Variants in SPSB3 observed in about 807,000 individuals in gnomAD.
SPSB3 encodes splA/ryanodine receptor domain and SOCS box containing 3, also known as SPRY domain-containing SOCS box protein 3.
A neutral mutation model predicts 29.5 loss-of-function variants in SPSB3; 18 were observed. That is an observed-to-expected ratio of 0.61 (90% CI 0.42 to 0.91). The LOEUF is 0.91. SPSB3 is among the 40% of genes least tolerant of loss of function. The pLI, the probability that SPSB3 is intolerant of heterozygous loss-of-function variation, is 0.00. For missense variants in SPSB3, 540 were observed against 507.5 expected, an observed-to-expected ratio of 1.06 and a Z score of -0.61; for synonymous variants, 299 against 214.1, an observed-to-expected ratio of 1.40 and a Z score of -3.46.
intron 1 of SPSB3, chr16:1,781,712 C>T: frequency 1.8e-6 from 1 of 570,228 alleles, no homozygotes; most frequent in Non-Finnish European, 3.1e-6. Context: ...ACCCAGACAC[C>T]CATGACTCCG....
chr16:1,781,173 G>A (rs889449965), intron 2 of SPSB3, 185 bp downstream of exon 2: 1 of 1,533,860 alleles, frequency 6.5e-7, no homozygotes, highest in Non-Finnish European at 8.7e-7. Context: ...TGTGTCCTTT[G>A]CCAAATTAAA....
Position 1,781,420 on chromosome 16 carries a change from C to A in SPSB3, c.64G>T (p.Ala22Ser). Residue 22 changes from alanine (A) to serine (S), a missense_variant, in exon 2 of 7, where the codon GCA (alanine) becomes TCA (serine). Ala to Ser is a moderately conservative substitution (Grantham distance 99). Coordinates refer to ENST00000566339, the MANE Select transcript of SPSB3 (RefSeq NM_080861.4). ...HFVLSAARRD[A>S]DARAVALAGS... ...GCTAGAGCCACGGCCCGGGCATCTG[C>A]GTCTCGGCGGGCTGCACTCAGGACG... 1 of 1,612,830 alleles carries A rather than the reference C, an allele frequency of 6.2e-7. No homozygotes were observed. Among genetic ancestry groups the A allele is most frequent in the Non-Finnish European group, 8.5e-7 (1 of 1,179,994 alleles).
chr16:1,780,581 G>A (rs1405732833), intron 2 of SPSB3: 1 of 152,996 alleles, frequency 6.5e-6, no homozygotes, highest in African/African-American at 2.4e-5. Context: ...TTACCTTCAA[G>A]GATCAGGGTT....
intron 2 of SPSB3, 56 bp from the exon 3 acceptor site, chr16:1,778,668 C>T (rs2042751300): frequency 6.6e-7 from 1 of 1,503,848 alleles, no homozygotes; most frequent in Non-Finnish European, 8.8e-7. Flanking sequence ...CCCTCTCACC[C>T]TTGCCCTCTG....
intron 1 of SPSB3, 156 bp from the exon 2 acceptor site, chr16:1,781,651 C>CCCCAGGCAGGAGCCCG: frequency 1.4e-6 from 1 of 739,836 alleles, no homozygotes; most frequent in East Asian, 2.7e-5. Context: ...CCGTACCTCA[C>CCCCAGGCAGGAGCCCG]TCCAGGATCT....
chr16:1,781,581 A>G, intron 1 of SPSB3, 86 bp from the exon 2 acceptor site: 1 of 1,446,064 alleles, frequency 6.9e-7, no homozygotes, highest in Non-Finnish European at 9.4e-7. Flanking sequence ...GACCCACTCA[A>G]AGTGGGGACT....
At chr16:1,778,357 G>C in intron 3 of SPSB3, 36 bp from the exon 4 acceptor site, 2 of 1,610,480 alleles carry the variant, frequency 1.2e-6, no homozygotes, top group East Asian at 2.2e-5. Context: ...AGCCCTGAGA[G>C]CTCCATGGGG....
chr16:1,777,010 G>A lies in SPSB3; in HGVS notation c.*87C>T. 1 of 1,469,254 alleles carries A rather than the reference G, an allele frequency of 6.8e-7. No homozygotes were observed. Among genetic ancestry groups the A allele is most frequent in the Non-Finnish European group, 9.2e-7 (1 of 1,082,480 alleles). 91.0% of individuals were successfully genotyped at this position (1,469,254 alleles called of 1,614,324 possible). On this transcript the variant is annotated 3_prime_UTR_variant, in exon 7 of 7. Coordinates refer to ENST00000566339, the MANE Select transcript of SPSB3 (RefSeq NM_080861.4). Reference sequence around the variant, plus strand: ...GGGCCTCATCCAACTCCGCCCTGGAGTGTGGCTGGAAGGAAGGGACAGAGA... The same window carrying A: ...GGGCCTCATCCAACTCCGCCCTGGAATGTGGCTGGAAGGAAGGGACAGAGA...
Position 1,781,437 on chromosome 16 carries a change from C to G in SPSB3, c.47G>C (p.Ser16Thr). 7 of 1,612,828 alleles carry G rather than the reference C, an allele frequency of 4.3e-6. No individual in the cohort carries two copies. The highest frequency in any genetic ancestry group is 5.9e-6 in the Non-Finnish European group (7 of 1,180,020). ...RNSRAWHFVLSAARRDADARA... is the reference protein window; with the variant it reads ...RNSRAWHFVLTAARRDADARA... ...GGCATCTGCGTCTCGGCGGGCTGCA[C>G]TCAGGACGAAGTGCCAGGCCCTGCT... The change falls in exon 2 of 7, where the codon AGT becomes ACT. Residue 16 changes from serine (S) to threonine (T), a missense_variant. By Grantham distance (58) the Ser-to-Thr change is moderately conservative. Coordinates refer to ENST00000566339, the MANE Select transcript of SPSB3 (RefSeq NM_080861.4).
Position 1,778,532 on chromosome 16 carries a change from G to C in SPSB3, c.207C>G (p.Ser69=). The C allele has an allele frequency of 1.2e-6, 2 of 1,609,552 alleles. No homozygotes were observed. Among genetic ancestry groups the C allele is most frequent in the Non-Finnish European group, 1.7e-6 (2 of 1,177,650 alleles). ...CGCTCTGCCCAGCACAGTCACAGAA[G>C]GACTCGCCGGTCACGGGCACCGCAC... The part of the protein sequence containing the change: ...IPSAVPVTGE[S]FCDCAGQSEA... Residue 69 remains serine, a synonymous_variant, in exon 3 of 7, where the codon TCC becomes TCG. Transcript: ENST00000566339.
intron 1 of SPSB3, 75 bp from the exon 2 acceptor site, chr16:1,781,570 G>T: frequency 6.6e-7 from 1 of 1,518,590 alleles, no homozygotes; most frequent in Non-Finnish European, 8.9e-7. Flanking sequence ...GCTGGGCCAC[G>T]GACCCACTCA....
chr16:1,781,211 G>C lies in SPSB3; in HGVS notation c.126+147C>G. The C allele has an allele frequency of 3.2e-6, 5 of 1,569,838 alleles. No individual in the cohort carries two copies. In the African/African-American group the frequency reaches 4.0e-5, roughly 13 times the overall value. On this transcript the variant is annotated intron_variant, in intron 2 of 6. Coordinates refer to ENST00000566339, the MANE Select transcript of SPSB3 (RefSeq NM_080861.4). The stretch of plus-strand genomic sequence containing the variant: ...GTCTTACTGAATGCGGTGCATCCAG[G>C]AGACAGGCCCAGGTTTGGACTGGTC...
chr16:1,782,199 G>A (rs2070778672), intron 1 of SPSB3: 1 of 152,206 alleles, frequency 6.6e-6, no homozygotes, highest in Non-Finnish European at 1.5e-5. Context: ...AACGCCCGCT[G>A]GGCCCCGGGT....
chr16:1,780,035 C>T (rs1471048073), intron 2 of SPSB3: 1 of 152,312 alleles, frequency 6.6e-6, no homozygotes, highest in South Asian at 2.1e-4. Flanking sequence ...GGAGAGGAGC[C>T]CACCCCTCCC....
At chr16:1,777,510 AG>A in intron 6 of SPSB3, 67 bp from the exon 7 acceptor site, 2 of 1,424,364 alleles carry the variant, frequency 1.4e-6, no homozygotes, top group Non-Finnish European at 1.8e-6. Flanking sequence ...GCAGCCCCTC[AG>A]ACCTCACGCT....
Position 1,776,837 on chromosome 16 carries a change from C to G in SPSB3, c.*260G>C, listed in dbSNP as rs1162390998. ...CCCTGTGGGAACAGCAACGCGGGCT[C>G]CAGCCAGGCTCTCGTCCTCGCAGCC... On this transcript the variant is annotated 3_prime_UTR_variant, in exon 7 of 7. Coordinates refer to ENST00000566339, the MANE Select transcript of SPSB3 (RefSeq NM_080861.4). 1 of 534,872 alleles carries G rather than the reference C, an allele frequency of 1.9e-6. No homozygotes were observed. The highest frequency in any genetic ancestry group is 3.5e-5 in the Admixed American group (1 of 28,528). 33.1% of individuals were successfully genotyped at this position (534,872 alleles called of 1,614,324 possible).
intron 2 of SPSB3, 123 bp from the exon 3 acceptor site, chr16:1,778,735 A>C: frequency 8.8e-7 from 1 of 1,136,498 alleles, no homozygotes; most frequent in South Asian, 1.6e-5. Flanking sequence ...CCAGGCCTCC[A>C]GGGACTTCAC....
In SPSB3 at chr16:1,778,339, G is replaced by A. The variant is rs2042745422; in HGVS notation, c.305-18C>T. The A allele has an allele frequency of 1.2e-6, 2 of 1,611,458 alleles. No individual in the cohort carries two copies. Among genetic ancestry groups the A allele is most frequent in the African/African-American group, 1.3e-5 (1 of 74,912 alleles). ...GTCGAAATCTGCAAGAGAGGCCCAG[G>A]CTGGGGCAGCCCTGAGAGCTCCATG... is the stretch of plus-strand genomic sequence containing the variant. On this transcript the variant is annotated intron_variant, in intron 3 of 6. Coordinates refer to ENST00000566339, the MANE Select transcript of SPSB3 (RefSeq NM_080861.4).
rs1171457817 is a variant in SPSB3 at position 1,779,649 on chromosome 16, G to C, written c.127-1037C>G. 2.0e-5 allele frequency: 3 copies of C among 152,392 alleles called. No individual in the cohort carries two copies. In the South Asian group the frequency reaches 6.2e-4, roughly 31 times the overall value. The allele number at this position is 152,392 out of a possible 1,614,324, so 9.4% of individuals were successfully genotyped here. A position where few individuals can be genotyped will look rare whatever the true frequency, so the allele number is the denominator to read the frequency against. ...TAGACCCCCTGAGTCAGGAGCCCGG[G>C]CACAGAACTGAGCACCTGCACTGCA... On this transcript the variant is annotated intron_variant, in intron 2 of 6. Coordinates refer to ENST00000566339, the MANE Select transcript of SPSB3 (RefSeq NM_080861.4).
Sources: allele counts gnomAD v4.1 joint callset, GRCh38; gene constraint gnomAD v4.1.1; transcripts MANE v1.5; gene names NCBI Gene and HGNC (gene_info 2026-07-23, HGNC 2026-07-21).